The following SLC8A1 variants were observed in gnomAD, a reference collection of about 807,000 sequenced individuals.
The protein encoded by SLC8A1 is solute carrier family 8 member A1, also known as sodium/calcium exchanger 1.
Under a neutral mutation model 68.3 loss-of-function variants are expected in SLC8A1, and 18 were observed. The observed-to-expected ratio is 0.26, with a 90% confidence interval of 0.18 to 0.39. The LOEUF (loss-of-function observed/expected upper bound fraction) is 0.39. SLC8A1 is among the 10% of genes least tolerant of loss of function. The pLI, the probability that SLC8A1 is intolerant of heterozygous loss-of-function variation, is 1.00. For synonymous variants in SLC8A1, 475 were observed against 415.5 expected (o/e 1.14, Z -1.74); for missense variants, 985 against 1,156.7 (o/e 0.85, Z 2.15).
intron 2 of SLC8A1, among the ~76,000 whole-genome samples, chr2:40,312,794 G>T (rs1482489066): frequency 6.6e-6 from 1 of 152,020 alleles, no homozygotes; most frequent in African/African-American, 2.4e-5. Context: ...GAAAACTATA[G>T]ATTAGTTTTA....
chr2:40,118,622 T>TTTG (rs2036081873), intron 7 of SLC8A1: 1 of 145,178 alleles, frequency 6.9e-6, no homozygotes, highest in African/African-American at 2.5e-5. Flanking sequence ...TTTTTTTTTT[T>TTTG]TTTTTTTTTT....
intron 1 of SLC8A1, among the ~76,000 whole-genome samples, chr2:40,504,584 A>T (rs903417908): frequency 1.3e-5 from 2 of 152,068 alleles, no homozygotes; most frequent in African/African-American, 4.8e-5. Context: ...AATAACCAGA[A>T]TATATAAGGA....
At chr2:40,433,227 C>A (rs568139653) in intron 1 of SLC8A1, among the ~76,000 whole-genome samples, 5 of 152,288 alleles carry the variant, frequency 3.3e-5, no homozygotes, top group South Asian at 2.1e-4. Flanking sequence ...AACCCCTCAA[C>A]AGGCTTTCTA....
At chr2:40,227,570 G>T (rs967941804) in intron 2 of SLC8A1, among the ~76,000 whole-genome samples, 1 of 151,910 alleles carries the variant, frequency 6.6e-6, no homozygotes. Context: ...TTTGGAGGGT[G>T]GGAAGAGGGA....
At chr2:40,179,853 G>A (rs532731422) in intron 2 of SLC8A1, among the ~76,000 whole-genome samples, 56 of 152,120 alleles carry the variant, frequency 3.7e-4, no homozygotes, top group African/African-American at 1.2e-3. Context: ...ATTTCCCAGC[G>A]CCTAATGCCA....
intron 6 of SLC8A1, among the ~76,000 whole-genome samples, chr2:40,148,633 C>T (rs564743417): frequency 1.3e-5 from 2 of 152,176 alleles, no homozygotes; most frequent in South Asian, 2.1e-4. Context: ...CTCCACTGAC[C>T]GTAAGGTCCC....
At chr2:40,512,213 A>G (rs1706784016) in intron 1 of SLC8A1, 1 of 149,138 alleles carries the variant, frequency 6.7e-6, no homozygotes, top group African/African-American at 2.5e-5. Flanking sequence ...ACTAGCTCCA[A>G]CCTATTTTTT....
At chr2:40,180,229 A>G (rs1381432059) in intron 2 of SLC8A1, among the ~76,000 whole-genome samples, 3 of 50,744 alleles carry the variant, frequency 5.9e-5, no homozygotes, top group Admixed American at 5.3e-4. Context: ...TTAAATTTGC[A>G]TCTTTAGTAT....
intron 2 of SLC8A1, among the ~76,000 whole-genome samples, chr2:40,394,699 T>C (rs940587229): frequency 3.3e-5 from 5 of 152,130 alleles, no homozygotes; most frequent in Admixed American, 6.6e-5. Flanking sequence ...ATAGAGTGCC[T>C]GTTGCCATAG....
At chr2:40,355,494 C>A (rs1672387117) in intron 2 of SLC8A1, among the ~76,000 whole-genome samples, 1 of 152,110 alleles carries the variant, frequency 6.6e-6, no homozygotes, top group Non-Finnish European at 1.5e-5. Context: ...GCACTTCTAT[C>A]ATGCCAAGCT....
At chr2:40,298,343 C>G (rs953308482) in intron 2 of SLC8A1, among the ~76,000 whole-genome samples, 1 of 152,172 alleles carries the variant, frequency 6.6e-6, no homozygotes, top group Non-Finnish European at 1.5e-5. Context: ...GACTACTTGG[C>G]TCTTTTCTTT....
At chr2:40,410,834 G>C (rs193100713) in intron 2 of SLC8A1, among the ~76,000 whole-genome samples, 41 of 151,964 alleles carry the variant, frequency 2.7e-4, no homozygotes, top group African/African-American at 4.6e-4. Flanking sequence ...ACTTACCATA[G>C]CACTTTGAGA....
intron 2 of SLC8A1, among the ~76,000 whole-genome samples, chr2:40,203,732 GT>G (rs2054846767): frequency 6.6e-6 from 1 of 151,912 alleles, no homozygotes; most frequent in Non-Finnish European, 1.5e-5. Flanking sequence ...TTGAGACAGG[GT>G]CTTGTTTTGT....
At chr2:40,231,810 A>G (rs1196523182) in intron 2 of SLC8A1, among the ~76,000 whole-genome samples, 1 of 152,096 alleles carries the variant, frequency 6.6e-6, no homozygotes, top group Non-Finnish European at 1.5e-5. Context: ...TATATAAGCA[A>G]CTTACTTTGG....
intron 7 of SLC8A1, among the ~76,000 whole-genome samples, chr2:40,138,696 T>G (rs545101475): frequency 1.3e-5 from 2 of 152,320 alleles, no homozygotes; most frequent in South Asian, 4.1e-4. Flanking sequence ...CAGGTAATTC[T>G]GATCCCCACC....
chr2:40,252,644 G>C (rs1029432540), intron 2 of SLC8A1, among the ~76,000 whole-genome samples: 2 of 152,020 alleles, frequency 1.3e-5, no homozygotes, highest in African/African-American at 4.8e-5. Flanking sequence ...GCCCGGCCAA[G>C]ATAGTGCATT....
At chr2:40,425,612 T>C (rs1225451334) in intron 2 of SLC8A1, among the ~76,000 whole-genome samples, 1 of 151,842 alleles carries the variant, frequency 6.6e-6, no homozygotes, top group African/African-American at 2.4e-5. Flanking sequence ...CCATCAGCCA[T>C]GTTTAAGTAC....
intron 2 of SLC8A1, among the ~76,000 whole-genome samples, chr2:40,265,973 A>G (rs975954678): frequency 3.9e-5 from 6 of 152,160 alleles, no homozygotes; most frequent in African/African-American, 1.4e-4. Context: ...ACTTAACATA[A>G]AAAAGCCACA....
chr2:40,326,429 T>C (rs2075830601), intron 2 of SLC8A1, among the ~76,000 whole-genome samples: 1 of 149,342 alleles, frequency 6.7e-6, no homozygotes, highest in African/African-American at 2.5e-5. Context: ...AAGGCTCCAA[T>C]AAGCAGCAGG....
Sources: allele counts gnomAD v4.1 joint callset (sites outside exome capture counted in the v4.1 genomes callset), GRCh38; gene constraint gnomAD v4.1.1; transcripts MANE v1.5; gene names NCBI Gene and HGNC (gene_info 2026-07-23, HGNC 2026-07-21).